The following NRG1 variants were observed in gnomAD, a reference collection of about 807,000 sequenced individuals.
The protein encoded by NRG1 is pro-neuregulin-1, membrane-bound isoform.
A neutral mutation model predicts 63.8 loss-of-function variants in NRG1; 18 were observed. The ratio of observed to expected loss-of-function variants is 0.28; its 90% CI spans 0.19 to 0.42. The LOEUF is 0.42. NRG1 is among the 10% of genes least tolerant of loss of function. The probability of loss-of-function intolerance (pLI) is 1.00; values close to 1 mark genes in which losing one functional copy is unlikely to be tolerated. For missense variants in NRG1, 762 were observed against 814.7 expected (o/e 0.94, Z 0.79); for synonymous variants, 302 against 301.3 (o/e 1.00, Z -0.02).
At chr8:32,667,841 A>C (rs1188445519) in intron 5 of NRG1, among the ~76,000 whole-genome samples, 1 of 152,294 alleles carries the variant, frequency 6.6e-6, no homozygotes, top group Admixed American at 6.5e-5. Flanking sequence ...TTATTTATAA[A>C]AAGGATCTCA....
chr8:32,225,356 A>G (rs1846213843), intron 1 of NRG1, among the ~76,000 whole-genome samples: 1 of 152,326 alleles, frequency 6.6e-6, no homozygotes, highest in Middle Eastern at 3.4e-3. Flanking sequence ...ACAGAAAGAA[A>G]GGGAAATAAG....
chr8:31,825,279 T>G (rs186872922), intron 1 of NRG1, among the ~76,000 whole-genome samples: 26 of 151,838 alleles, frequency 1.7e-4, no homozygotes, highest in African/African-American at 6.0e-4. Flanking sequence ...TCCCAGCTAC[T>G]CGGGAGGCTG....
chr8:32,759,098 T>A (rs1041696419), intron 9 of NRG1, among the ~76,000 whole-genome samples: 4 of 152,100 alleles, frequency 2.6e-5, no homozygotes, highest in African/African-American at 9.7e-5. Flanking sequence ...TTTTTTTAAC[T>A]CTATTCATCT....
chr8:32,396,196 G>T (rs1466658673), intron 1 of NRG1, among the ~76,000 whole-genome samples: 1 of 151,658 alleles, frequency 6.6e-6, no homozygotes, highest in Non-Finnish European at 1.5e-5. Context: ...CATTTTTTTT[G>T]GCTACTGCAG....
intron 1 of NRG1, among the ~76,000 whole-genome samples, chr8:31,784,532 G>A (rs1372103855): frequency 6.6e-6 from 1 of 152,184 alleles, no homozygotes; most frequent in Non-Finnish European, 1.5e-5. Context: ...GTATTGAACA[G>A]GGCTTTCTGT....
intron 1 of NRG1, among the ~76,000 whole-genome samples, chr8:32,462,645 T>G (rs1337847548): frequency 7.9e-6 from 1 of 127,324 alleles, no homozygotes; most frequent in Non-Finnish European, 1.6e-5. Flanking sequence ...GTCTTGTCAC[T>G]CAGGCTGGAG....
intron 1 of NRG1, among the ~76,000 whole-genome samples, chr8:32,236,367 C>A (rs1847560370): frequency 6.6e-6 from 1 of 152,134 alleles, no homozygotes; most frequent in African/African-American, 2.4e-5. Context: ...CAACTTCCTT[C>A]TTTCTATCTA....
At chr8:32,572,632 G>T (rs1243102273) in intron 1 of NRG1, among the ~76,000 whole-genome samples, 1 of 152,046 alleles carries the variant, frequency 6.6e-6, no homozygotes, top group African/African-American at 2.4e-5. Flanking sequence ...ATTTAAACAG[G>T]ATAGAATATT....
chr8:32,436,053 G>C lies in NRG1; in HGVS notation c.38-159775G>C, dbSNP rs151002700. Among the ~76,000 whole-genome samples, 485 of 152,228 alleles carry C rather than the reference G, an allele frequency of 3.2e-3. 3 individuals carry two copies. The highest frequency in any genetic ancestry group is 0.011 in the African/African-American group (475 of 41,552). On this transcript the variant is annotated intron_variant, in intron 1 of 10. Transcript: ENST00000519301. ...AATCACTTCTCACACTGCTGATAAA[G>C]ACATACCTGAGACTGGGTAATTTAT...
intron 5 of NRG1, among the ~76,000 whole-genome samples, chr8:32,696,214 T>A (rs1457385114): frequency 1.3e-5 from 2 of 152,232 alleles, no homozygotes; most frequent in Non-Finnish European, 1.5e-5. Context: ...AGACTACTCA[T>A]GTCTTAGAAA....
chr8:31,879,303 T>C (rs1455647565), intron 1 of NRG1, among the ~76,000 whole-genome samples: 4 of 152,222 alleles, frequency 2.6e-5, no homozygotes, highest in African/African-American at 9.6e-5. Context: ...TCAATTGTAC[T>C]CAGAGAAGAG....
chr8:32,659,636 A>G lies in NRG1; in HGVS notation c.502+42751A>G, dbSNP rs1208632282. Among the ~76,000 whole-genome samples, 3 of 152,156 alleles carry G rather than the reference A, an allele frequency of 2.0e-5. No individual in the cohort carries two copies. The East Asian group carries it at 5.8e-4, about 29-fold the overall frequency. ...AGGACACCATAGCACCAATATTTAC[A>G]AAGCACGTATCTCATAAACTCTCTT... is the stretch of plus-strand genomic sequence containing the variant. On this transcript the variant is annotated intron_variant, in intron 5 of 11. Coordinates refer to ENST00000356819, the Ensembl canonical transcript of NRG1.
At chr8:31,740,217 G>A (rs1815122645) in intron 1 of NRG1, among the ~76,000 whole-genome samples, 1 of 151,930 alleles carries the variant, frequency 6.6e-6, no homozygotes, top group African/African-American at 2.4e-5. Flanking sequence ...ACCCATGCAT[G>A]GGACTGAAGA....
chr8:31,780,123 A>G (rs1250700057), intron 1 of NRG1, among the ~76,000 whole-genome samples: 1 of 152,222 alleles, frequency 6.6e-6, no homozygotes, highest in African/African-American at 2.4e-5. Context: ...CAGAGGATTT[A>G]CTGGGAACTA....
At chr8:32,548,288 A>T in exon 1 of NRG1, 1 of 987,854 alleles carries the variant, frequency 1.0e-6, no homozygotes. Context: ...GCAATTGAAA[A>T]AGAGCCGGCG....
At chr8:32,739,178 G>A (rs1199711719) in intron 6 of NRG1, among the ~76,000 whole-genome samples, 2 of 152,140 alleles carry the variant, frequency 1.3e-5, no homozygotes, top group African/African-American at 4.8e-5. Context: ...CCACAGTGCC[G>A]AGAGAGGGCG....
intron 1 of NRG1, among the ~76,000 whole-genome samples, chr8:32,461,077 A>AT (rs1460705233): frequency 1.3e-5 from 2 of 151,996 alleles, no homozygotes; most frequent in Non-Finnish European, 2.9e-5. Flanking sequence ...GGTCTTTTCT[A>AT]TTTTTTCTCT....
chr8:31,645,387 A>C (rs550904735), intron 1 of NRG1, among the ~76,000 whole-genome samples: 1 of 152,328 alleles, frequency 6.6e-6, no homozygotes, highest in South Asian at 2.1e-4. Context: ...GGATTGTCCT[A>C]GTTGAGAGGT....
intron 1 of NRG1, among the ~76,000 whole-genome samples, chr8:32,359,758 C>T (rs1337700180): frequency 6.6e-6 from 1 of 152,064 alleles, no homozygotes; most frequent in Non-Finnish European, 1.5e-5. Context: ...TGATTTAAGG[C>T]ATAGTGAGAT....
Sources: allele counts gnomAD v4.1 joint callset (sites outside exome capture counted in the v4.1 genomes callset), GRCh38; gene constraint gnomAD v4.1.1; transcripts MANE v1.5; gene names NCBI Gene and HGNC (gene_info 2026-07-23, HGNC 2026-07-21).